The following MYO5B variants were observed in gnomAD, a reference collection of about 807,000 sequenced individuals.
MYO5B encodes myosin VB.
Under a neutral mutation model 229.3 loss-of-function variants are expected in MYO5B, and 143 were observed. That is an observed-to-expected ratio of 0.62 (90% CI 0.54 to 0.72). The LOEUF (loss-of-function observed/expected upper bound fraction) is 0.72, where lower values mean the gene tolerates loss of function less well. Ranked by LOEUF, MYO5B falls within the 30% of genes least tolerant of loss-of-function variation. MYO5B has a pLI of 0.00. For synonymous variants in MYO5B, 918 were observed against 885.2 expected (o/e 1.04, Z -0.66); for missense variants, 2,321 against 2,331.0 (o/e 1.00, Z 0.09).
At chr18:49,900,201 C>A (rs990628338) in intron 21 of MYO5B, among the ~76,000 whole-genome samples, 1 of 152,242 alleles carries the variant, frequency 6.6e-6, no homozygotes, top group South Asian at 2.1e-4. Context: ...TCTTTTCTTC[C>A]TGTCAACAGC....
intron 1 of MYO5B, among the ~76,000 whole-genome samples, chr18:50,189,751 G>C (rs770922720): frequency 1.1e-3 from 173 of 152,266 alleles, no homozygotes; most frequent in African/African-American, 3.9e-3. Flanking sequence ...CCTCCAGCAG[G>C]GGTGACTGGG....
chr18:50,106,382 T>TC (rs1427098781), intron 1 of MYO5B, among the ~76,000 whole-genome samples: 2 of 152,156 alleles, frequency 1.3e-5, no homozygotes, highest in Non-Finnish European at 2.9e-5. Flanking sequence ...TTAGATGCCC[T>TC]CCTCACTGTT....
In MYO5B at chr18:49,826,505, G is replaced by A. The variant is rs749035019; in HGVS notation, c.5513C>T (p.Ala1838Val). ...SLTMDSIHIP[A>V]CLNLEFLNEV ...ATTGAGGAATTCCAGATTGAGACAC[G>A]CTGGGATGTGGATTGAGTCCATGGT... Residue 1838 changes from alanine (A) to valine (V), a missense_variant, in exon 40 of 40, where the codon GCG becomes GTG. Coordinates refer to ENST00000285039, the MANE Select transcript of MYO5B (RefSeq NM_001080467.3). The A allele has an allele frequency of 6.8e-6, 11 of 1,613,976 alleles. No homozygotes were observed. The highest frequency in any genetic ancestry group is 2.2e-5 in the East Asian group (1 of 44,872).
In MYO5B at chr18:49,912,089, G is replaced by A. The variant is rs897020505; in HGVS notation, c.2175C>T (p.Cys725=). The A allele has an allele frequency of 1.2e-6, 2 of 1,614,116 alleles. No individual in the cohort carries two copies. Among genetic ancestry groups the A allele is most frequent in the Non-Finnish European group, 1.7e-6 (2 of 1,179,998 alleles). ...TGATGAGGTTCTCCAGGACAGACCT[G>A]CAGATGGCCTTTTTGTCTGTGTTGG... ...ELANTDKKAI[C]RSVLENLIKD... Residue 725 remains cysteine, a synonymous_variant, in exon 18 of 40, where the codon TGC becomes TGT. Transcript: ENST00000285039.
intron 22 of MYO5B, 21 bp from the exon 23 acceptor site, chr18:49,880,476 A>G (rs752138020): frequency 6.3e-7 from 1 of 1,586,892 alleles, no homozygotes; most frequent in East Asian, 2.2e-5. Flanking sequence ...GCAATAGGGG[A>G]AAAATGTCTC....
Position 50,040,283 on chromosome 18 carries a change from T to C in MYO5B, c.170A>G (p.Asn57Ser). 6.2e-7 allele frequency: 1 copy of C among 1,613,970 alleles called. No homozygotes were observed. Among genetic ancestry groups the C allele is most frequent in the East Asian group, 2.2e-5 (1 of 44,868 alleles). ...ILEYPIDVQRNQLPFLRNPDI... is the reference protein window; with the variant it reads ...ILEYPIDVQRSQLPFLRNPDI... Reference sequence around the variant, plus strand: ...TGGATTCCGTAAGAAGGGCAGCTGGTTGCGTTGTACATCAATTGGGTATTC... The same window carrying C: ...TGGATTCCGTAAGAAGGGCAGCTGGCTGCGTTGTACATCAATTGGGTATTC... Residue 57 changes from asparagine (N) to serine (S), a missense_variant, in exon 3 of 40, where the codon AAC (asparagine) becomes AGC (serine). Physicochemically the swap from Asn to Ser is conservative, Grantham distance 46. Around this residue, in one of 2 missense-constraint regions of MYO5B, gnomAD observed 2,113 missense variants for 2,044.7 expected, o/e 1.03. Transcript: ENST00000285039.
intron 5 of MYO5B, among the ~76,000 whole-genome samples, chr18:49,995,692 C>T (rs187525190): frequency 3.3e-4 from 50 of 152,210 alleles, no homozygotes; most frequent in Admixed American, 1.6e-3. Context: ...GGTAAGGGGA[C>T]GTTTCTCTGC....
At chr18:50,008,145 G>GT (rs2026122781) in intron 4 of MYO5B, among the ~76,000 whole-genome samples, 1 of 152,156 alleles carries the variant, frequency 6.6e-6, no homozygotes, top group Admixed American at 6.5e-5. Context: ...TAGCCTCAGT[G>GT]TAAGTTTAAA....
At chr18:49,877,658 G>A (rs2024541676) in intron 25 of MYO5B, 105 bp downstream of exon 25, 3 of 1,503,140 alleles carry the variant, frequency 2.0e-6, no homozygotes, top group Non-Finnish European at 2.8e-6. Context: ...TGGGCACTCT[G>A]GTCACCATCA....
At chr18:49,874,474 T>C (rs1161291426) in intron 26 of MYO5B, among the ~76,000 whole-genome samples, 1 of 152,216 alleles carries the variant, frequency 6.6e-6, no homozygotes, top group African/African-American at 2.4e-5. Flanking sequence ...ACCTAATCTT[T>C]TCACTTTCCA....
chr18:50,025,121 T>C (rs1451722477), intron 4 of MYO5B, among the ~76,000 whole-genome samples: 13 of 152,212 alleles, frequency 8.5e-5, no homozygotes, highest in Non-Finnish European at 1.3e-4. Context: ...CACTGCTCTA[T>C]AGATAACAAC....
chr18:49,927,456 A>C (rs899873448), intron 17 of MYO5B, among the ~76,000 whole-genome samples: 18 of 152,152 alleles, frequency 1.2e-4, no homozygotes, highest in African/African-American at 3.9e-4. Context: ...AAAACAAAAC[A>C]AAACCCAAAT....
chr18:49,941,983 T>C (rs1183359255), intron 14 of MYO5B, among the ~76,000 whole-genome samples: 22 of 93,988 alleles, frequency 2.3e-4, no homozygotes, highest in African/African-American at 8.7e-4. Context: ...AACAGAGACA[T>C]AGATCAATGG....
intron 1 of MYO5B, among the ~76,000 whole-genome samples, chr18:50,183,306 CATATATATATATATAT>C (rs71169486): frequency 1.8e-5 from 2 of 109,990 alleles, no homozygotes; most frequent in Admixed American, 8.5e-5. Context: ...TCAATTTTAT[CATATATATATATATAT>C]ATATATATAT....
chr18:50,122,711 A>C (rs1007350141), intron 1 of MYO5B, among the ~76,000 whole-genome samples: 2 of 151,174 alleles, frequency 1.3e-5, no homozygotes, highest in Non-Finnish European at 2.9e-5. Context: ...AAAATAATAA[A>C]TAAAAATTAA....
chr18:49,893,676 C>T (rs1395818559), intron 22 of MYO5B, among the ~76,000 whole-genome samples: 2 of 152,224 alleles, frequency 1.3e-5, no homozygotes, highest in Admixed American at 6.5e-5. Context: ...ATCTCCACAC[C>T]TGGATCCCAC....
chr18:49,900,827 T>C lies in MYO5B; in HGVS notation c.2811+1767A>G, dbSNP rs533072211. On this transcript the variant is annotated intron_variant, in intron 21 of 39. Transcript: ENST00000285039. ...TGGACAAAGTAACAGTGGGCCTCCATTCAACTCTGGGAGCCAAACGCAGCA... is the reference window on the plus strand; with the variant it reads ...TGGACAAAGTAACAGTGGGCCTCCACTCAACTCTGGGAGCCAAACGCAGCA... Among the ~76,000 whole-genome samples, 151 of 152,264 alleles carry C rather than the reference T, an allele frequency of 9.9e-4. 1 individual carries two copies. Among genetic ancestry groups the C allele is most frequent in the Non-Finnish European group, 1.9e-4 (13 of 68,012 alleles).
At chr18:49,968,534 T>C (rs985574161) in intron 10 of MYO5B, among the ~76,000 whole-genome samples, 7 of 152,198 alleles carry the variant, frequency 4.6e-5, no homozygotes, top group Non-Finnish European at 1.0e-4. Context: ...GCTGGGGTGA[T>C]TACCCTTATC....
rs1192436603 is a variant in MYO5B, at chr18:49,847,195, C to T, written c.4410G>A (p.Leu1470=). The T allele has an allele frequency of 2.5e-6, 4 of 1,614,140 alleles. No individual in the cohort carries two copies. Among genetic ancestry groups the T allele is most frequent in the Non-Finnish European group, 3.4e-6 (4 of 1,180,022 alleles). Residue 1470 remains leucine, a synonymous_variant, in exon 33 of 40, where the codon CTG becomes CTA. Transcript: ENST00000285039. ...GGGCCTCGTCCTCTTTGTGGTACTC[C>T]AGCATGCCCTGGAAATCCTTCTCTT... The part of the protein sequence containing the change: ...QRKEKDFQGM[L]EYHKEDEALL...
Sources: allele counts gnomAD v4.1 joint callset (sites outside exome capture counted in the v4.1 genomes callset), GRCh38; gene constraint gnomAD v4.1.1; regional missense constraint gnomAD v4.1.1; transcripts MANE v1.5; gene names NCBI Gene and HGNC (gene_info 2026-07-23, HGNC 2026-07-21).